Variants in PMFBP1 observed in about 807,000 individuals in gnomAD.
PMFBP1 encodes polyamine modulated factor 1 binding protein 1.
PMFBP1 carries 131 observed loss-of-function variants against 137.8 expected under a neutral mutation model. The observed-to-expected ratio is 0.95, with a 90% CI of 0.82 to 1.10. The LOEUF (loss-of-function observed/expected upper bound fraction) is 1.10, where lower values mean the gene tolerates loss of function less well. PMFBP1 is among the 50% of genes least tolerant of loss of function. The probability of loss-of-function intolerance (pLI) is 0.00; values close to 1 mark genes in which losing one functional copy is unlikely to be tolerated. For missense variants in PMFBP1, 1,199 were observed against 1,175.4 expected, an observed-to-expected ratio of 1.02 and a Z score of -0.29; for synonymous variants, 490 against 450.4, an observed-to-expected ratio of 1.09 and a Z score of -1.11.
rs146499444 is a variant in PMFBP1, at chr16:72,130,539, G to A, written c.1631C>T (p.Ser544Phe). ...ESSMAEKEQT[S>F]NRKRVEELSL... ...GGAGCCTGAGCCTGGGCACCTGTTG[G>A]AGGTTTGTTCCTTCTCAGCCATCGA... Residue 544 changes from serine (S) to phenylalanine (F), a missense_variant, in exon 11 of 21, where the codon TCC becomes TTC. Transcript: ENST00000237353. 5.3e-4 allele frequency: 848 copies of A among 1,614,054 alleles called. 7 individuals carry two copies. Among genetic ancestry groups the A allele is most frequent in the Non-Finnish European group, 1.0e-4 (119 of 1,179,986 alleles).
chr16:72,144,570 A>G (rs926208568), intron 5 of PMFBP1, among the ~76,000 whole-genome samples: 2 of 152,212 alleles, frequency 1.3e-5, no homozygotes, highest in African/African-American at 2.4e-5. Flanking sequence ...TATTTAAATA[A>G]TAAAATTCGA....
At chr16:72,144,971 A>G (rs540192607) in intron 5 of PMFBP1, among the ~76,000 whole-genome samples, 2 of 152,336 alleles carry the variant, frequency 1.3e-5, no homozygotes, top group African/African-American at 2.4e-5. Flanking sequence ...AGACAGACCA[A>G]TGAGACAGAA....
intron 5 of PMFBP1, among the ~76,000 whole-genome samples, chr16:72,143,473 T>C (rs965564234): frequency 6.6e-6 from 1 of 152,250 alleles, no homozygotes; most frequent in African/African-American, 2.4e-5. Context: ...CCGGGCGTGG[T>C]GGCTTGCACC....
rs1240901258 is a variant in PMFBP1, at chr16:72,129,106, A to C, written c.1910T>G (p.Leu637Arg). ...KEHEKLMEGE[L>R]EALRQEFKKK... ...TTTAAATTCCTGCCGCAAAGCTTCA[A>C]GTTCTCCCTCCATCAGCTTCTCATG... Residue 637 changes from leucine to arginine, a missense_variant, in exon 13 of 21, where the codon CTT becomes CGT. Physicochemically the swap from Leu to Arg is moderately radical, Grantham distance 102. Transcript: ENST00000237353. 6.2e-7 allele frequency: 1 copy of C among 1,614,038 alleles called. No homozygotes were observed. The highest frequency in any genetic ancestry group is 8.5e-7 in the Non-Finnish European group (1 of 1,180,038).
intron 9 of PMFBP1, among the ~76,000 whole-genome samples, chr16:72,133,855 A>C (rs762923937): frequency 2.6e-5 from 4 of 152,156 alleles, no homozygotes; most frequent in African/African-American, 2.4e-5. Flanking sequence ...GGTGAGAAGT[A>C]ATGCAGGACC....
upstream of PMFBP1, among the ~76,000 whole-genome samples, chr16:72,175,181 A>G (rs369425044): frequency 4.6e-5 from 7 of 152,222 alleles, no homozygotes; most frequent in East Asian, 5.8e-4. Flanking sequence ...CACTAAACCT[A>G]TCTGGGAATC....
chr16:72,164,788 CA>C lies in PMFBP1; in HGVS notation c.140del (p.Met47ArgfsTer5). 1 of 1,597,972 alleles carries C rather than the reference CA, an allele frequency of 6.3e-7. No homozygotes were observed. Among genetic ancestry groups the C allele is most frequent in the South Asian group, 1.1e-5 (1 of 90,368 alleles). On this transcript the variant is annotated frameshift_variant, in exon 3 of 21. Transcript: ENST00000237353. LOFTEE classifies it high-confidence loss of function. ...CGTGGCTGCTGTTCATTGCCTCCTC[CA>C]TGCAGAGCTGATTGTCCTGCAAGGT... ...RKTLQDNQLC[M>X]EEAMNSSHDK...
rs217180 is a variant in PMFBP1 at position 72,150,730 on chromosome 16, C to T, written c.514G>A (p.Ala172Thr). ...AGGTTTAAGCTCCTCTCTAGAGAGGCGATCTTGTCCCCGGCCAAGGCGAGT... is the reference window on the plus strand; with the variant it reads ...AGGTTTAAGCTCCTCTCTAGAGAGGTGATCTTGTCCCCGGCCAAGGCGAGT... ...EQLALAGDKI[A>T]SLERSLNLYR... Residue 172 changes from alanine (A) to threonine (T), a missense_variant, in exon 5 of 21, where the codon GCC becomes ACC. Coordinates refer to ENST00000237353, the MANE Select transcript of PMFBP1 (RefSeq NM_031293.3). 0.092 allele frequency: 148,161 copies of T among 1,614,036 alleles called. 7,281 individuals carry two copies. The highest frequency in any genetic ancestry group is 0.15 in the East Asian group (6,668 of 44,876).
upstream of PMFBP1, among the ~76,000 whole-genome samples, chr16:72,178,303 T>C (rs1019599711): frequency 1.3e-5 from 2 of 152,198 alleles, no homozygotes; most frequent in Admixed American, 1.3e-4. Flanking sequence ...GTTATGCTGG[T>C]GTCTACTGGG....
chr16:72,230,917 G>C, the PMFBP1 span, among the ~76,000 whole-genome samples: 1 of 152,102 alleles, frequency 6.6e-6, no homozygotes, highest in African/African-American at 2.4e-5. Flanking sequence ...GCTGTAAACG[G>C]CAATAGATAT....
At position 72,140,496 on chromosome 16, in the gene PMFBP1, T is replaced by C. The variant is rs1023658843; in HGVS notation, c.723A>G (p.Arg241=). ...MIQEHQETQK[R]LSEVWQKVSQ... ...AGACCTTTTGCCAGACTTCAGACAG[T>C]CGTTTCTGAGTCTCCTGATGCTCTT... Residue 241 remains arginine (R), a synonymous_variant, in exon 6 of 21, where the codon CGA becomes CGG. Transcript: ENST00000237353. 8 of 1,613,238 alleles carry C rather than the reference T, an allele frequency of 5.0e-6. No individual in the cohort carries two copies. The highest frequency in any genetic ancestry group is 1.7e-4 in the Middle Eastern group (1 of 6,060).
At chr16:72,154,025 C>A (rs944488461) in intron 4 of PMFBP1, among the ~76,000 whole-genome samples, 186 bp downstream of exon 4, 9 of 150,818 alleles carry the variant, frequency 6.0e-5, no homozygotes, top group African/African-American at 2.0e-4. Context: ...CCGAGTTATG[C>A]CATTCAGTTT....
Position 72,140,409 on chromosome 16 carries a change from T to C in PMFBP1, c.807+3A>G. ...GAGACATGTTCTAGAAGAAGGCACT[T>C]ACCAAAGCGTTACTGCAGGCCAGCT... is the stretch of plus-strand genomic sequence containing the variant. On this transcript the variant is annotated splice_donor_region_variant and intron_variant, in intron 6 of 20. Coordinates refer to ENST00000237353, the MANE Select transcript of PMFBP1 (RefSeq NM_031293.3). 1 of 1,611,812 alleles carries C rather than the reference T, an allele frequency of 6.2e-7. No homozygotes were observed.
At chr16:72,168,986 G>A (rs552586393) in intron 2 of PMFBP1, among the ~76,000 whole-genome samples, 20 of 152,226 alleles carry the variant, frequency 1.3e-4, no homozygotes, top group African/African-American at 4.3e-4. Context: ...GCTTCTTCTT[G>A]GGGGAAGCTA....
At chr16:72,199,118 C>T in the PMFBP1 span, among the ~76,000 whole-genome samples, 1 of 152,162 alleles carries the variant, frequency 6.6e-6, no homozygotes, top group Non-Finnish European at 1.5e-5. Context: ...CGGGCTTAGC[C>T]CTTTGTTTCC....
the PMFBP1 span, among the ~76,000 whole-genome samples, chr16:72,207,710 A>ATGTGTGTGTG: frequency 0.04 from 5,764 of 143,956 alleles, 145 homozygotes; most frequent in East Asian, 0.096. Flanking sequence ...CCAGTAGGGC[A>ATGTGTGTGTG]TGTGTGTGTG....
the PMFBP1 span, among the ~76,000 whole-genome samples, chr16:72,207,733 T>A: frequency 1.2e-4 from 18 of 151,844 alleles, no homozygotes; most frequent in South Asian, 3.8e-3. Flanking sequence ...TGTGTGTGTG[T>A]GTGTGTGTGC....
At chr16:72,217,569 A>G in the PMFBP1 span, among the ~76,000 whole-genome samples, 1 of 152,190 alleles carries the variant, frequency 6.6e-6, no homozygotes, top group Non-Finnish European at 1.5e-5. Context: ...AAAAGTCTCT[A>G]GGCCAGGTAC....
intron 3 of PMFBP1, among the ~76,000 whole-genome samples, chr16:72,157,183 CAAAAAAAAAAAAAA>C (rs35414674): frequency 1.1e-4 from 2 of 18,924 alleles, no homozygotes; most frequent in African/African-American, 4.3e-4. Context: ...GACTCCATCT[CAAAAAAAAAAAAAA>C]AAAAAAAAAA....
Sources: gnomAD v4.1 joint callset for allele counts (sites outside exome capture counted in the v4.1 genomes callset) on GRCh38, gnomAD v4.1.1 for gene constraint, MANE v1.5 for transcripts, NCBI Gene and HGNC (gene_info 2026-07-23, HGNC 2026-07-21) for gene names.